Variants in CHLSN observed in about 807,000 individuals in gnomAD.
CHLSN encodes the protein protein cholesin.
chr7:1,122,411 G>A, the CHLSN span, among the ~76,000 whole-genome samples: 1 of 152,224 alleles, frequency 6.6e-6, no homozygotes, highest in Non-Finnish European at 1.5e-5. Flanking sequence ...CTCCACACCA[G>A]CAGCCACTCG....
At chr7:1,133,297 G>A in the CHLSN span, among the ~76,000 whole-genome samples, 1 of 151,346 alleles carries the variant, frequency 6.6e-6, no homozygotes, top group Non-Finnish European at 1.5e-5. Context: ...AGGGAAGAGT[G>A]GGTGACCACT....
chr7:1,017,976 G>A, the CHLSN span, among the ~76,000 whole-genome samples: 2 of 152,244 alleles, frequency 1.3e-5, no homozygotes, highest in African/African-American at 2.4e-5. Context: ...ACTCCAGCAG[G>A]TGACAGAAGA....
At chr7:1,070,870 GCACACGTGCACATGCA>G in the CHLSN span, among the ~76,000 whole-genome samples, 29 of 136,262 alleles carry the variant, frequency 2.1e-4, no homozygotes, top group South Asian at 2.1e-3. Flanking sequence ...ACACGGGTGC[GCACACGTGCACATGCA>G]CACACGTGCA....
the CHLSN span, among the ~76,000 whole-genome samples, chr7:1,122,085 T>C: frequency 4.6e-5 from 7 of 152,222 alleles, no homozygotes; most frequent in African/African-American, 1.7e-4. Flanking sequence ...TGGTCTCTGC[T>C]AGTGGGCTCC....
At chr7:1,064,795 A>G in the CHLSN span, among the ~76,000 whole-genome samples, 1 of 152,180 alleles carries the variant, frequency 6.6e-6, no homozygotes, top group South Asian at 2.1e-4. Context: ...AGGGTCCCAC[A>G]GCAGTGAGCA....
chr7:979,436 G>A, the CHLSN span, among the ~76,000 whole-genome samples: 37 of 152,022 alleles, frequency 2.4e-4, no homozygotes, highest in African/African-American at 7.7e-4. Flanking sequence ...GGCTAGGATC[G>A]TTGACCTTAT....
the CHLSN span, among the ~76,000 whole-genome samples, chr7:1,120,570 G>A: frequency 5.9e-5 from 9 of 152,208 alleles, no homozygotes; most frequent in African/African-American, 2.2e-4. Flanking sequence ...TGAGATTACA[G>A]GCACGAGCCA....
At chr7:985,272 G>A in the CHLSN span, 1 of 1,551,850 alleles carries the variant, frequency 6.4e-7, no homozygotes, top group South Asian at 1.2e-5. Flanking sequence ...TTGTGTCCCT[G>A]CTGGGTCTCA....
the CHLSN span, among the ~76,000 whole-genome samples, chr7:1,077,094 G>A: frequency 6.6e-6 from 1 of 152,232 alleles, no homozygotes; most frequent in African/African-American, 2.4e-5. Context: ...AGGCGCTCTT[G>A]GGCTTACAAA....
the CHLSN span, chr7:1,022,978 C>A: frequency 2.1e-6 from 1 of 472,830 alleles, no homozygotes; most frequent in Non-Finnish European, 4.2e-6. Context: ...GAGGCGCTCA[C>A]AGGCAGGCAC....
At chr7:1,011,016 C>G in the CHLSN span, among the ~76,000 whole-genome samples, 1 of 151,794 alleles carries the variant, frequency 6.6e-6, no homozygotes, top group African/African-American at 2.4e-5. Context: ...CCAGGGAGAG[C>G]AAAGAAGAGT....
chr7:1,066,754 G>A, the CHLSN span, among the ~76,000 whole-genome samples: 1 of 152,254 alleles, frequency 6.6e-6, no homozygotes, highest in African/African-American at 2.4e-5. Flanking sequence ...CCCGGCACGA[G>A]GGAAGGCCCC....
chr7:1,097,378 CA>C, the CHLSN span, among the ~76,000 whole-genome samples: 2 of 152,114 alleles, frequency 1.3e-5, no homozygotes, highest in Non-Finnish European at 2.9e-5. The surrounding 1 kb of genome is among the most constrained non-coding windows in gnomAD (Gnocchi z 4.3). Flanking sequence ...GTGTCCTCGC[CA>C]AAGCTGGGAC....
chr7:1,091,527 G>A, the CHLSN span: 3 of 561,938 alleles, frequency 5.3e-6, no homozygotes, highest in African/African-American at 1.9e-5. Flanking sequence ...GCCGGTGTGA[G>A]GAGCATCTGT....
At chr7:1,006,251 G>C in the CHLSN span, among the ~76,000 whole-genome samples, 1 of 152,324 alleles carries the variant, frequency 6.6e-6, no homozygotes, top group East Asian at 1.9e-4. Flanking sequence ...GGGTGACCAA[G>C]CCTGGGGCCC....
the CHLSN span, among the ~76,000 whole-genome samples, chr7:1,030,850 C>G: frequency 6.6e-6 from 1 of 152,202 alleles, no homozygotes. Context: ...TGCTTTCCCA[C>G]AGCCCACACC....
the CHLSN span, chr7:987,614 G>A: frequency 3.0e-5 from 40 of 1,311,798 alleles, no homozygotes; most frequent in Admixed American, 1.9e-4. Context: ...ACGGCTGAGC[G>A]TCTGGTGGGT....
At chr7:988,744 C>T in the CHLSN span, 66 of 1,599,428 alleles carry the variant, frequency 4.1e-5, 1 homozygote, top group African/African-American at 7.2e-4. Flanking sequence ...TCAGTCCGGC[C>T]TCCCTGGACA....
chr7:1,045,200 G>C, the CHLSN span: 1 of 152,256 alleles, frequency 6.6e-6, no homozygotes, highest in Non-Finnish European at 1.5e-5. Flanking sequence ...TATTAAGTTA[G>C]TATTACAAAC....
Sources: gnomAD v4.1 joint callset for allele counts (sites outside exome capture counted in the v4.1 genomes callset) on GRCh38, gnomAD v4.1.1 for gene constraint, Gnocchi (gnomAD v3.1) non-coding constraint, MANE v1.5 for transcripts, NCBI Gene and HGNC (gene_info 2026-07-23, HGNC 2026-07-21) for gene names.